Variants in TTC1 observed in about 807,000 individuals in gnomAD.
The protein encoded by TTC1 is tetratricopeptide repeat protein 1.
A neutral mutation model predicts 37.6 loss-of-function variants in TTC1; 31 were observed. The ratio of observed to expected loss-of-function variants is 0.82; its 90% CI spans 0.62 to 1.11. The LOEUF (loss-of-function observed/expected upper bound fraction) is 1.11, where lower values mean the gene tolerates loss of function less well. Ranked by LOEUF, TTC1 falls within the 50% of genes most tolerant of loss-of-function variation. The probability of loss-of-function intolerance (pLI) is 0.00; values close to 1 mark genes in which losing one functional copy is unlikely to be tolerated. For missense variants in TTC1, 351 were observed against 339.0 expected (o/e 1.04, Z -0.28); for synonymous variants, 127 against 122.4 (o/e 1.04, Z -0.25).
chr5:160,063,096 C>T (rs1753478761), intron 7 of TTC1, among the ~76,000 whole-genome samples: 1 of 152,186 alleles, frequency 6.6e-6, no homozygotes, highest in African/African-American at 2.4e-5. Context: ...GTTCTGGGAG[C>T]TTTCTCAATT....
chr5:160,012,832 G>C (rs547491851), intron 2 of TTC1, among the ~76,000 whole-genome samples: 19 of 152,252 alleles, frequency 1.2e-4, no homozygotes, highest in Admixed American at 1.0e-3. Flanking sequence ...CACCTGCATA[G>C]TTCACGTTTC....
chr5:160,013,176 A>G lies in TTC1; in HGVS notation c.330+2318A>G, dbSNP rs565172448. ...CCACTGACTCTACTTTAAGGAAACA[A>G]CCTATAAGAGTGCAGATTGCCTTCA... On this transcript the variant is annotated intron_variant, in intron 2 of 7. Coordinates refer to ENST00000231238, the MANE Select transcript of TTC1 (RefSeq NM_003314.3). 2.3e-4 allele frequency among the ~76,000 whole-genome samples: 35 copies of G among 152,330 alleles called. No individual in the cohort carries two copies. The South Asian group carries it at 6.2e-3, about 27-fold the overall frequency.
chr5:160,063,947 C>T (rs1030404443), intron 7 of TTC1, among the ~76,000 whole-genome samples: 3 of 150,052 alleles, frequency 2.0e-5, no homozygotes, highest in Non-Finnish European at 3.0e-5. Flanking sequence ...TGGCAAGAAC[C>T]GCTGGCTATA....
chr5:160,045,495 CACACACACACACACACACATACACA>C (rs1757198795), intron 5 of TTC1, among the ~76,000 whole-genome samples: 1 of 116,360 alleles, frequency 8.6e-6, no homozygotes, highest in African/African-American at 3.3e-5. Context: ...CACACACACA[CACACACACACACACACACATACACA>C]CTCTCTCTCT....
In TTC1 at chr5:160,057,813, G is replaced by C. The variant is rs1350409465; in HGVS notation, c.745+6630G>C. On this transcript the variant is annotated intron_variant, in intron 7 of 7. Coordinates refer to ENST00000231238, the MANE Select transcript of TTC1 (RefSeq NM_003314.3). The surrounding 1 kb of genome is among the most constrained non-coding windows in gnomAD (Gnocchi z 4.4). ...GACACAGAGCCTCATTCTGTCGCCAGGCTGGAGTGCAGTGGCACAATCTTG... is the reference window on the plus strand; with the variant it reads ...GACACAGAGCCTCATTCTGTCGCCACGCTGGAGTGCAGTGGCACAATCTTG... Among the ~76,000 whole-genome samples, 1 of 152,174 alleles carries C rather than the reference G, an allele frequency of 6.6e-6. No individual in the cohort carries two copies. Among genetic ancestry groups the C allele is most frequent in the Non-Finnish European group, 1.5e-5 (1 of 68,036 alleles).
chr5:160,062,394 TCCC>T (rs1753443361), intron 7 of TTC1, among the ~76,000 whole-genome samples: 1 of 152,052 alleles, frequency 6.6e-6, no homozygotes. Context: ...CCTATTCCCA[TCCC>T]CCGGAGCACT....
In TTC1 at chr5:160,012,790, G is replaced by A. The variant is rs561489233; in HGVS notation, c.330+1932G>A. On this transcript the variant is annotated intron_variant, in intron 2 of 7. Transcript: ENST00000231238. Reference sequence around the variant, plus strand: ...AGTGAAACTGTATATCAGTTCTCATGTGTAGAATGCAGTGAGTTTGACAAT... The same window carrying A: ...AGTGAAACTGTATATCAGTTCTCATATGTAGAATGCAGTGAGTTTGACAAT... Among the ~76,000 whole-genome samples the A allele has an allele frequency of 2.0e-5, 3 of 152,262 alleles. No homozygotes were observed. In the South Asian group the frequency reaches 6.2e-4, roughly 32 times the overall value.
chr5:160,010,943 C>T lies in TTC1; in HGVS notation c.330+85C>T, dbSNP rs1439447561. The T allele has an allele frequency of 4.7e-6, 6 of 1,263,466 alleles. No homozygotes were observed. In the East Asian group the frequency reaches 7.2e-5, roughly 15 times the overall value. The allele number at this position is 1,263,466 out of a possible 1,614,324, so 78.3% of individuals were successfully genotyped here. A position where few individuals can be genotyped will look rare whatever the true frequency, so the allele number is the denominator to read the frequency against. On this transcript the variant is annotated intron_variant, in intron 2 of 7. Coordinates refer to ENST00000231238, the MANE Select transcript of TTC1 (RefSeq NM_003314.3). ...GATACTGTATCATAGACCACCTCAT[C>T]TGTGGTAAAGAATAACTTGCCCCTT...
chr5:160,022,389 T>TA (rs1307737035), intron 2 of TTC1, among the ~76,000 whole-genome samples: 1 of 152,224 alleles, frequency 6.6e-6, no homozygotes, highest in Non-Finnish European at 1.5e-5. Context: ...TGAAGTTCTC[T>TA]AGCTTGGATT....
chr5:160,040,682 G>A (rs1445837567), intron 4 of TTC1, among the ~76,000 whole-genome samples: 3 of 151,924 alleles, frequency 2.0e-5, no homozygotes, highest in Admixed American at 6.6e-5. Context: ...GGACTCATGC[G>A]ATCCTCCCAC....
chr5:160,038,011 T>C (rs1203225252), intron 4 of TTC1, among the ~76,000 whole-genome samples: 4 of 151,814 alleles, frequency 2.6e-5, no homozygotes, highest in Admixed American at 2.6e-4. Context: ...TTTGTTGTTG[T>C]TGTTTTTTTT....
intron 4 of TTC1, among the ~76,000 whole-genome samples, chr5:160,042,620 G>A (rs894409529): frequency 6.6e-6 from 1 of 152,340 alleles, no homozygotes; most frequent in Admixed American, 6.5e-5. Flanking sequence ...TTGTTTAAGA[G>A]TTGTGTATTT....
chr5:160,032,464 CTTG>C (rs1231500552), intron 2 of TTC1, among the ~76,000 whole-genome samples: 2 of 152,116 alleles, frequency 1.3e-5, no homozygotes, highest in Non-Finnish European at 2.9e-5. Flanking sequence ...GTGTTGTGAT[CTTG>C]TTGAGTGGCA....
At chr5:160,047,418 A>T (rs1757281247) in intron 5 of TTC1, among the ~76,000 whole-genome samples, 1 of 152,220 alleles carries the variant, frequency 6.6e-6, no homozygotes, top group South Asian at 2.1e-4. Flanking sequence ...ATTTAAAGAC[A>T]TATTTAATGT....
chr5:160,031,317 AT>A (rs1477817759), intron 2 of TTC1, among the ~76,000 whole-genome samples: 4 of 152,154 alleles, frequency 2.6e-5, no homozygotes, highest in Non-Finnish European at 5.9e-5. Context: ...AAACAATAGG[AT>A]GCCTCACTTA....
In TTC1 at chr5:160,043,136, A is replaced by G. The variant is rs962054673; in HGVS notation, c.508A>G (p.Lys170Glu). Residue 170 changes from lysine to glutamate, a missense_variant, in exon 5 of 8, where the codon AAG (lysine) becomes GAG (glutamate). By Grantham distance (56) the Lys-to-Glu change is moderately conservative. Coordinates refer to ENST00000231238, the MANE Select transcript of TTC1 (RefSeq NM_003314.3). ...NRAAARMKQDKKEMAINDCSK... is the reference protein window; with the variant it reads ...NRAAARMKQDEKEMAINDCSK... ...TTAATACTGTTTTTCTTTTTAGGAC[A>G]AGAAAGAAATGGCCATCAATGACTG... 3.7e-6 allele frequency: 6 copies of G among 1,613,362 alleles called. No individual in the cohort carries two copies. The Admixed American group carries it at 1.0e-4, about 27-fold the overall frequency.
chr5:160,038,533 G>A (rs1757033531), intron 4 of TTC1, among the ~76,000 whole-genome samples: 1 of 152,124 alleles, frequency 6.6e-6, no homozygotes, highest in South Asian at 2.1e-4. Context: ...TTAGGAAAAT[G>A]TATGGTCTTG....
At chr5:160,047,960 C>T (rs1757295091) in intron 5 of TTC1, among the ~76,000 whole-genome samples, 1 of 152,030 alleles carries the variant, frequency 6.6e-6, no homozygotes, top group Admixed American at 6.6e-5. Context: ...TAGCATAAGG[C>T]TTCATGAGAA....
rs1757347715 is a variant in TTC1 at position 160,049,608 on chromosome 5, T to G, written c.636T>G (p.Tyr212Ter). 6.2e-7 allele frequency: 1 copy of G among 1,609,948 alleles called. No homozygotes were observed. The highest frequency in any genetic ancestry group is 1.3e-5 in the African/African-American group (1 of 74,568). Residue 212 changes from tyrosine (Y) to a stop codon, truncating the protein, a stop_gained, in exon 6 of 8, where the codon TAT (tyrosine) becomes TAG (stop). Transcript: ENST00000231238. LOFTEE classifies it high-confidence loss of function. ...TDKLDEALED[Y>*]KSILEKDPSI... ...AGCTAGATGAAGCCCTGGAAGACTA[T>G]AAATCTATATTAGAAAAAGATCCAT...
Sources: gnomAD v4.1 joint callset for allele counts (sites outside exome capture counted in the v4.1 genomes callset) on GRCh38, gnomAD v4.1.1 for gene constraint, Gnocchi (gnomAD v3.1) non-coding constraint, MANE v1.5 for transcripts, NCBI Gene and HGNC (gene_info 2026-07-23, HGNC 2026-07-21) for gene names.